Variants in TRPC3 observed in about 807,000 individuals in gnomAD.
The protein encoded by TRPC3 is short transient receptor potential channel 3.
A neutral mutation model predicts 90.9 loss-of-function variants in TRPC3; 54 were observed. That is an observed-to-expected ratio of 0.59 (90% CI 0.48 to 0.75). The LOEUF (loss-of-function observed/expected upper bound fraction) is 0.75. Among genes scored for constraint, TRPC3 ranks in the 30% least tolerant of loss-of-function variants. The pLI is 0.00. For missense variants in TRPC3, 918 were observed against 1,194.5 expected (o/e 0.77, Z 3.41); for synonymous variants, 424 against 450.9 (o/e 0.94, Z 0.75).
At position 121,912,061 on chromosome 4, in the gene TRPC3, C is replaced by T. The variant is rs1729127015; in HGVS notation, c.1374G>A (p.Lys458=). The change falls in exon 5 of 12, where the codon AAG becomes AAA. Residue 458 remains lysine (K), a synonymous_variant. Coordinates refer to ENST00000379645, the MANE Select transcript of TRPC3 (RefSeq NM_001130698.2). ...TGAAAGAAGCTGCATGTGCTACAAA[C>T]TTCATAAAAGGGCTTCGCAGAATTT... ...LGKILRSPFM[K]FVAHAASFII... 6.2e-7 allele frequency: 1 copy of T among 1,613,672 alleles called. No homozygotes were observed. The highest frequency in any genetic ancestry group is 1.1e-5 in the South Asian group (1 of 91,054).
At chr4:121,919,025 T>C (rs2149131364) in intron 3 of TRPC3, among the ~76,000 whole-genome samples, 1 of 152,358 alleles carries the variant, frequency 6.6e-6, no homozygotes, top group South Asian at 2.1e-4. Flanking sequence ...GACCAGCAAA[T>C]TGAAGTCATA....
chr4:121,903,060 T>C lies in TRPC3; in HGVS notation c.2255A>G (p.Asp752Gly), dbSNP rs768849197. The change falls in exon 9 of 12, where the codon GAT becomes GGT. Residue 752 changes from aspartate to glycine, a missense_variant and splice_region_variant. Physicochemically the swap from Asp to Gly is moderately conservative, Grantham distance 94. Around this residue, in one of 4 missense-constraint regions of TRPC3, gnomAD observed 121 missense variants for 135.7 expected, o/e 0.89. Coordinates refer to ENST00000379645, the MANE Select transcript of TRPC3 (RefSeq NM_001130698.2). ...AAACTTCCATTCTACATCACTGTCA[T>C]CCTGTGTCACAAAAATAGAAAAAAA... ...MINSSYQEIEDDSDVEWKFAR... is the reference protein window; with the variant it reads ...MINSSYQEIEGDSDVEWKFAR... The C allele has an allele frequency of 6.3e-7, 1 of 1,593,136 alleles. No homozygotes were observed. The highest frequency in any genetic ancestry group is 1.8e-5 in the Admixed American group (1 of 54,858).
chr4:121,913,658 T>G (rs543121212), intron 4 of TRPC3, among the ~76,000 whole-genome samples: 1 of 144,124 alleles, frequency 6.9e-6, no homozygotes, highest in African/African-American at 2.4e-5. Flanking sequence ...TTTTTTTTAT[T>G]GCATGCTCTC....
chr4:121,894,525 T>C (rs1193332046), intron 10 of TRPC3, among the ~76,000 whole-genome samples: 1 of 149,776 alleles, frequency 6.7e-6, no homozygotes, highest in African/African-American at 2.4e-5. Flanking sequence ...TACAGAACAT[T>C]TTACCCAACA....
rs1228362364 is a variant in TRPC3 at position 121,880,385 on chromosome 4, G to A, written c.2624-507C>T. 3.3e-5 allele frequency among the ~76,000 whole-genome samples: 5 copies of A among 152,160 alleles called. No individual in the cohort carries two copies. In the East Asian group the frequency reaches 7.7e-4, roughly 23 times the overall value. ...AAAGAAAGAAAAAAGAGTAAGGAGT[G>A]TTTATTAGGGAAGGCAATGGCAATG... On this transcript the variant is annotated intron_variant, in intron 11 of 11. Coordinates refer to ENST00000379645, the MANE Select transcript of TRPC3 (RefSeq NM_001130698.2).
At chr4:121,908,539 T>C (rs902334842) in intron 6 of TRPC3, among the ~76,000 whole-genome samples, 1 of 152,156 alleles carries the variant, frequency 6.6e-6, no homozygotes, top group Non-Finnish European at 1.5e-5. Context: ...TGGAATACTA[T>C]GCAGCCACAA....
At chr4:121,950,494 G>A (rs1578666207) in intron 1 of TRPC3, 1 of 152,392 alleles carries the variant, frequency 6.6e-6, no homozygotes, top group Middle Eastern at 3.4e-3. Flanking sequence ...TAAACCCTGC[G>A]GCACTCCCAG....
At chr4:121,926,847 G>A (rs1202478723) in intron 2 of TRPC3, among the ~76,000 whole-genome samples, 1 of 152,174 alleles carries the variant, frequency 6.6e-6, no homozygotes, top group East Asian at 1.9e-4. Flanking sequence ...AGCAGCACCT[G>A]GGCATGTGTT....
Position 121,912,088 on chromosome 4 carries a change from C to T in TRPC3, c.1347G>A (p.Gly449=). Reference sequence around the variant, plus strand: ...TCATAAAAGGGCTTCGCAGAATTTTCCCCAGCTGTAACAAACCAAAGAGGA... The same window carrying T: ...TCATAAAAGGGCTTCGCAGAATTTTTCCCAGCTGTAACAAACCAAAGAGGA... The part of the protein sequence containing the change: ...GYWIAPCSRL[G]KILRSPFMKF... The change falls in exon 5 of 12, where the codon GGG becomes GGA. Residue 449 remains glycine, a synonymous_variant. Transcript: ENST00000379645. 1.9e-6 allele frequency: 3 copies of T among 1,613,076 alleles called. No homozygotes were observed. The South Asian group carries it at 3.3e-5, about 18-fold the overall frequency.
intron 3 of TRPC3, among the ~76,000 whole-genome samples, chr4:121,920,064 T>C (rs2149132163): frequency 6.6e-6 from 1 of 152,234 alleles, no homozygotes; most frequent in African/African-American, 2.4e-5. Flanking sequence ...ACAAAATTAG[T>C]GTTTTTGCCT....
At chr4:121,902,756 A>C in intron 9 of TRPC3, 96 bp downstream of exon 9, 2 of 911,136 alleles carry the variant, frequency 2.2e-6, no homozygotes. Flanking sequence ...AACATCTTCT[A>C]AGTTCACACA....
At chr4:121,942,336 T>C (rs1730347354) in intron 1 of TRPC3, among the ~76,000 whole-genome samples, 1 of 152,116 alleles carries the variant, frequency 6.6e-6, no homozygotes, top group Admixed American at 6.5e-5. Flanking sequence ...CAGAGGCAGA[T>C]GACTCACTTG....
At chr4:121,902,448 A>G (rs1275554602) in intron 9 of TRPC3, among the ~76,000 whole-genome samples, 1 of 152,032 alleles carries the variant, frequency 6.6e-6, no homozygotes. Context: ...AAAAGTTTCT[A>G]CAAAAAAGGA....
chr4:121,925,179 A>G lies in TRPC3; in HGVS notation c.1015T>C (p.Cys339Arg), dbSNP rs1560709173. Residue 339 changes from cysteine to arginine, a missense_variant, in exon 3 of 12, where the codon TGC becomes CGC. Physicochemically the swap from Cys to Arg is radical, Grantham distance 180 (BLOSUM62 -3). This residue lies in a region of TRPC3 where 609 missense variants were observed against 725.9 expected (regional missense o/e 0.84). Transcript: ENST00000379645. The stretch of plus-strand genomic sequence containing the variant: ...AGCACACCCACTACAAAGTCTTTGC[A>G]TTGCATGGAGAGCTTCCGATAGTCA... ...KNDYRKLSMQCKDFVVGVLDL... is the reference protein window; with the variant it reads ...KNDYRKLSMQRKDFVVGVLDL... The G allele has an allele frequency of 5.0e-6, 8 of 1,612,964 alleles. No individual in the cohort carries two copies. The highest frequency in any genetic ancestry group is 6.8e-6 in the Non-Finnish European group (8 of 1,179,686).
intron 10 of TRPC3, among the ~76,000 whole-genome samples, chr4:121,894,812 C>T (rs538642284): frequency 4.6e-5 from 7 of 152,090 alleles, no homozygotes; most frequent in Admixed American, 1.3e-4. Flanking sequence ...AATCCTTCTG[C>T]CTTGGCCTTC....
At chr4:121,943,932 T>C (rs1024629464) in intron 1 of TRPC3, among the ~76,000 whole-genome samples, 2 of 152,100 alleles carry the variant, frequency 1.3e-5, no homozygotes, top group Non-Finnish European at 2.9e-5. Flanking sequence ...AGGTTTTTTT[T>C]TAACTAGATA....
chr4:121,932,505 C>A lies in TRPC3; in HGVS notation c.753G>T (p.Met251Ile). ...CGATCCTGGCACCCTTCATCAGCAGCATGTGCACCACTTCGTATTTCTGGC... is the reference window on the plus strand; with the variant it reads ...CGATCCTGGCACCCTTCATCAGCAGAATGTGCACCACTTCGTATTTCTGGC... ...AHCQKYEVVH[M>I]LLMKGARIER... The change falls in exon 2 of 12, where the codon ATG becomes ATT. Residue 251 changes from methionine to isoleucine, a missense_variant. Met to Ile is a conservative substitution (Grantham distance 10, BLOSUM62 1). Coordinates refer to ENST00000379645, the MANE Select transcript of TRPC3 (RefSeq NM_001130698.2). The surrounding 1 kb of genome is among the most constrained non-coding windows in gnomAD (Gnocchi z 7.7). 6.2e-7 allele frequency: 1 copy of A among 1,614,248 alleles called. No individual in the cohort carries two copies. Among genetic ancestry groups the A allele is most frequent in the South Asian group, 1.1e-5 (1 of 91,088 alleles).
rs141099924 is a variant in TRPC3 at position 121,898,366 on chromosome 4, C to T, written c.2547+1246G>A. Among the ~76,000 whole-genome samples the T allele has an allele frequency of 2.1e-3, 323 of 152,300 alleles. 2 individuals carry two copies. The highest frequency in any genetic ancestry group is 7.3e-3 in the African/African-American group (305 of 41,566). The stretch of plus-strand genomic sequence containing the variant: ...GAGCATTACCGCTTGAGCTCCACCT[C>T]CTGTCAGATTAGCAGCGGCATTAGA... On this transcript the variant is annotated intron_variant, in intron 10 of 11. Coordinates refer to ENST00000379645, the MANE Select transcript of TRPC3 (RefSeq NM_001130698.2).
intron 10 of TRPC3, among the ~76,000 whole-genome samples, chr4:121,897,094 A>G (rs1230097719): frequency 6.6e-6 from 1 of 152,138 alleles, no homozygotes; most frequent in East Asian, 1.9e-4. Context: ...CCATATGCAG[A>G]AGAATAAGAC....
Sources: gnomAD v4.1 joint callset for allele counts (sites outside exome capture counted in the v4.1 genomes callset) on GRCh38, gnomAD v4.1.1 for gene constraint, gnomAD v4.1.1 regional missense constraint, Gnocchi (gnomAD v3.1) non-coding constraint, MANE v1.5 for transcripts, NCBI Gene and HGNC (gene_info 2026-07-23, HGNC 2026-07-21) for gene names.